Variants in FSHR observed in about 807,000 individuals in gnomAD.
FSHR encodes follicle-stimulating hormone receptor.
In FSHR, 46 loss-of-function variants were observed where a neutral mutation model predicts 52.1. The ratio of observed to expected loss-of-function variants is 0.88; its 90% CI spans 0.70 to 1.13. FSHR has a LOEUF of 1.13. FSHR is among the 50% of genes most tolerant of loss of function. The pLI, the probability that FSHR is intolerant of heterozygous loss-of-function variation, is 0.00. For synonymous variants in FSHR, 399 were observed against 309.6 expected, an observed-to-expected ratio of 1.29 and a Z score of -3.03; for missense variants, 964 against 834.6, an observed-to-expected ratio of 1.16 and a Z score of -1.91.
At chr2:49,090,932 ATTCT>A (rs1386855583) in intron 1 of FSHR, among the ~76,000 whole-genome samples, 1 of 151,754 alleles carries the variant, frequency 6.6e-6, no homozygotes, top group Non-Finnish European at 1.5e-5. Context: ...GAAGTGACTG[ATTCT>A]TTCCCATGAT....
chr2:49,108,741 G>A (rs984372229), intron 1 of FSHR, among the ~76,000 whole-genome samples: 2 of 152,210 alleles, frequency 1.3e-5, no homozygotes, highest in African/African-American at 2.4e-5. Context: ...CTGAGCAGGA[G>A]AGGAGGGGTG....
chr2:49,127,900 T>TCTTCTTCTTCTTC (rs1483408974), intron 1 of FSHR, among the ~76,000 whole-genome samples: 6 of 113,514 alleles, frequency 5.3e-5, no homozygotes, highest in African/African-American at 2.3e-4. Context: ...TTCTTCTTCT[T>TCTTCTTCTTCTTC]TTTTTTTTTT....
intron 2 of FSHR, among the ~76,000 whole-genome samples, chr2:49,038,449 G>T (rs944747287): frequency 2.6e-5 from 4 of 151,510 alleles, no homozygotes; most frequent in Non-Finnish European, 5.9e-5. Flanking sequence ...GTGAAACCCC[G>T]TCTCTACTAA....
At chr2:49,087,223 T>G (rs1670434827) in intron 1 of FSHR, among the ~76,000 whole-genome samples, 1 of 151,994 alleles carries the variant, frequency 6.6e-6, no homozygotes, top group South Asian at 2.1e-4. Context: ...TCAATGGAGG[T>G]TAGGCTTTTT....
At position 48,968,902 on chromosome 2, in the gene FSHR, A is replaced by T; in HGVS notation, c.669-19T>A. On this transcript the variant is annotated intron_variant, in intron 8 of 9. Coordinates refer to ENST00000406846, the MANE Select transcript of FSHR (RefSeq NM_000145.4). The stretch of plus-strand genomic sequence containing the variant: ...AATATCTCTATAAAGAGAAAAGGTA[A>T]ATATAACAGGATTACTATGGACCTA... 1 of 1,609,276 alleles carries T rather than the reference A, an allele frequency of 6.2e-7. No homozygotes were observed. Among genetic ancestry groups the T allele is most frequent in the Non-Finnish European group, 8.5e-7 (1 of 1,177,328 alleles).
chr2:49,108,097 G>A (rs1671297743), intron 1 of FSHR, among the ~76,000 whole-genome samples: 2 of 152,086 alleles, frequency 1.3e-5, no homozygotes, highest in South Asian at 4.1e-4. Flanking sequence ...ATCTGTCGAG[G>A]TCCTGAATAG....
intron 4 of FSHR, among the ~76,000 whole-genome samples, chr2:49,005,588 C>T (rs1667049053): frequency 6.6e-6 from 1 of 152,028 alleles, no homozygotes; most frequent in South Asian, 2.1e-4. Flanking sequence ...GGAGGAGGTA[C>T]TGGGGGAAGA....
At chr2:49,013,467 T>TATATATATATATATAAATATAA (rs1558389333) in intron 4 of FSHR, among the ~76,000 whole-genome samples, 17 of 125,342 alleles carry the variant, frequency 1.4e-4, no homozygotes, top group Non-Finnish European at 2.6e-4. Flanking sequence ...TATATAAATA[T>TATATATATATATATAAATATAA]ATATATATAT....
chr2:49,050,418 T>A (rs1292373062), intron 2 of FSHR, among the ~76,000 whole-genome samples: 2 of 152,184 alleles, frequency 1.3e-5, no homozygotes, highest in African/African-American at 4.8e-5. Flanking sequence ...TTGTGGCAGT[T>A]CCAAGGGCTT....
At chr2:49,020,017 G>A (rs1362260715) in intron 3 of FSHR, 69 bp downstream of exon 3, 2 of 1,314,014 alleles carry the variant, frequency 1.5e-6, no homozygotes, top group Non-Finnish European at 2.2e-6. Flanking sequence ...GGCCTCCCAG[G>A]AATGTAGAAG....
At chr2:48,990,762 C>A in intron 4 of FSHR, 125 bp from the exon 5 acceptor site, 4 of 718,842 alleles carry the variant, frequency 5.6e-6, no homozygotes, top group East Asian at 2.6e-5. Flanking sequence ...GAGAAAAGCC[C>A]GTATATACGT....
intron 2 of FSHR, among the ~76,000 whole-genome samples, chr2:49,035,192 C>G (rs1668234462): frequency 6.6e-6 from 1 of 152,186 alleles, no homozygotes; most frequent in South Asian, 2.1e-4. Context: ...CTGCTGAAGG[C>G]AAATCACTGA....
chr2:49,148,822 C>G (rs1288973447), intron 1 of FSHR, among the ~76,000 whole-genome samples: 1 of 151,880 alleles, frequency 6.6e-6, no homozygotes, highest in Non-Finnish European at 1.5e-5. Flanking sequence ...ATGCTTGAGC[C>G]CTGTGGAGTA....
intron 1 of FSHR, among the ~76,000 whole-genome samples, chr2:49,087,580 A>G (rs1258847716): frequency 6.6e-6 from 1 of 152,194 alleles, no homozygotes; most frequent in Non-Finnish European, 1.5e-5. Context: ...AAATAAAAGC[A>G]TGTATAGTCA....
chr2:49,117,817 ACT>A (rs1480729884), intron 1 of FSHR, among the ~76,000 whole-genome samples: 2 of 152,150 alleles, frequency 1.3e-5, no homozygotes, highest in Non-Finnish European at 2.9e-5. Context: ...CAATTGTTTC[ACT>A]GAGATCATGT....
At chr2:49,018,261 T>C (rs1558392801) in intron 3 of FSHR, among the ~76,000 whole-genome samples, 2 of 152,204 alleles carry the variant, frequency 1.3e-5, no homozygotes, top group Non-Finnish European at 2.9e-5. Flanking sequence ...TTTTGGCTTG[T>C]GCTGTGTCTT....
intron 1 of FSHR, among the ~76,000 whole-genome samples, chr2:49,087,979 T>A (rs1258901771): frequency 1.3e-5 from 2 of 152,228 alleles, no homozygotes; most frequent in East Asian, 3.8e-4. Flanking sequence ...TCAGGCACTG[T>A]GCTAAATATT....
At chr2:48,993,352 GA>G (rs1675871123) in intron 4 of FSHR, among the ~76,000 whole-genome samples, 1 of 152,126 alleles carries the variant, frequency 6.6e-6, no homozygotes, top group East Asian at 1.9e-4. Flanking sequence ...TCCATAGATA[GA>G]ATTGCTATCC....
chr2:49,031,823 T>A (rs1303803910), intron 2 of FSHR, among the ~76,000 whole-genome samples: 1 of 152,218 alleles, frequency 6.6e-6, no homozygotes. Flanking sequence ...TCTATAAAAC[T>A]TTGTGAGAAT....
Sources: gnomAD v4.1 joint callset for allele counts (sites outside exome capture counted in the v4.1 genomes callset) on GRCh38, gnomAD v4.1.1 for gene constraint, MANE v1.5 for transcripts, NCBI Gene and HGNC (gene_info 2026-07-23, HGNC 2026-07-21) for gene names.